Variants in ZBTB7C observed in about 807,000 individuals in gnomAD.
ZBTB7C encodes the protein zinc finger and BTB domain containing 7C, also known as zinc finger and BTB domain-containing protein 7C.
In ZBTB7C, 8 loss-of-function variants were observed where a neutral mutation model predicts 25.7. The observed-to-expected ratio is 0.31, with a 90% CI of 0.18 to 0.56. The LOEUF (loss-of-function observed/expected upper bound fraction) is 0.56, where lower values mean the gene tolerates loss of function less well. Ranked by LOEUF, ZBTB7C falls within the 20% of genes least tolerant of loss-of-function variation. The pLI, the probability that ZBTB7C is intolerant of heterozygous loss-of-function variation, is 0.91. For synonymous variants in ZBTB7C, 394 were observed against 369.0 expected, an observed-to-expected ratio of 1.07 and a Z score of -0.78; for missense variants, 824 against 855.2, an observed-to-expected ratio of 0.96 and a Z score of 0.46.
Position 48,144,775 on chromosome 18 carries a change from G to C in ZBTB7C, c.-17+41159C>G, listed in dbSNP as rs540795105. ...TGTCTTCACTCCCGATTGAGGGATT[G>C]GGGAGTCCATGGGAGAGTTCTACTC... On this transcript the variant is annotated intron_variant, in intron 3 of 4. Transcript: ENST00000590800. Among the ~76,000 whole-genome samples the C allele has an allele frequency of 3.9e-5, 6 of 152,248 alleles. No individual in the cohort carries two copies. The South Asian group carries it at 1.2e-3, about 32-fold the overall frequency.
chr18:48,382,091 G>T (rs571691504), intron 1 of ZBTB7C, among the ~76,000 whole-genome samples: 6 of 152,356 alleles, frequency 3.9e-5, no homozygotes, highest in African/African-American at 1.4e-4. Context: ...TGTAGTGCAA[G>T]TGGTAGGTAG....
intron 3 of ZBTB7C, among the ~76,000 whole-genome samples, chr18:48,069,255 C>T (rs1040879214): frequency 6.6e-6 from 1 of 152,214 alleles, no homozygotes; most frequent in East Asian, 1.9e-4. Context: ...TCTCAATTCT[C>T]ACCACAATCG....
intron 3 of ZBTB7C, among the ~76,000 whole-genome samples, chr18:48,179,846 CTCCTTCCT>C (rs564139548): frequency 7.2e-6 from 1 of 139,622 alleles, no homozygotes; most frequent in Non-Finnish European, 1.5e-5. Context: ...GAAGATATTT[CTCCTTCCT>C]TCCTTCCTTC....
At chr18:48,144,289 ATTTT>A (rs78973683) in intron 3 of ZBTB7C, among the ~76,000 whole-genome samples, 33 of 151,238 alleles carry the variant, frequency 2.2e-4, no homozygotes, top group Admixed American at 2.1e-3. Context: ...AAAAAAAAAA[ATTTT>A]TTTTTTCTTA....
chr18:48,311,765 T>C (rs371615186), intron 2 of ZBTB7C, among the ~76,000 whole-genome samples: 3 of 152,186 alleles, frequency 2.0e-5, no homozygotes, highest in Non-Finnish European at 4.4e-5. Context: ...AGTAAAGATA[T>C]CAAAGTTATT....
At chr18:48,286,231 TGC>T (rs1195972732) in intron 2 of ZBTB7C, among the ~76,000 whole-genome samples, 2 of 124,122 alleles carry the variant, frequency 1.6e-5, no homozygotes, top group South Asian at 2.9e-4. Context: ...AGAAGAGGTG[TGC>T]GTGTGTGTGT....
chr18:48,280,890 G>A (rs531420353), intron 2 of ZBTB7C, among the ~76,000 whole-genome samples: 9 of 101,250 alleles, frequency 8.9e-5, no homozygotes, highest in African/African-American at 3.6e-4. Flanking sequence ...GTCTTGTTCT[G>A]TCATCCAGGC....
At chr18:48,300,811 G>T (rs1243888929) in intron 2 of ZBTB7C, among the ~76,000 whole-genome samples, 2 of 152,266 alleles carry the variant, frequency 1.3e-5, no homozygotes, top group Non-Finnish European at 2.9e-5. Flanking sequence ...ACAGCAAGGG[G>T]ACAACGAGAA....
intron 2 of ZBTB7C, among the ~76,000 whole-genome samples, chr18:48,243,641 C>T (rs1225566558): frequency 6.6e-6 from 1 of 152,140 alleles, no homozygotes; most frequent in Admixed American, 6.5e-5. Context: ...CATCAAAATA[C>T]TATCATCATT....
At chr18:48,412,250 A>T (rs544009405), upstream of ZBTB7C, among the ~76,000 whole-genome samples, 2 of 152,366 alleles carry the variant, frequency 1.3e-5, no homozygotes, top group African/African-American at 4.8e-5. Context: ...TAAATAAATT[A>T]TCTGAGAATT....
At chr18:48,320,994 C>G (rs912987141) in intron 2 of ZBTB7C, among the ~76,000 whole-genome samples, 56 of 152,226 alleles carry the variant, frequency 3.7e-4, no homozygotes, top group African/African-American at 1.3e-3. Flanking sequence ...ACTGTCAGAG[C>G]CCAGGAAGGT....
At chr18:48,385,074 C>T (rs1161502969) in intron 1 of ZBTB7C, among the ~76,000 whole-genome samples, 2 of 152,186 alleles carry the variant, frequency 1.3e-5, no homozygotes, top group African/African-American at 4.8e-5. Context: ...AGCAGAAGGT[C>T]ATGTGAGATG....
At chr18:48,189,198 C>T (rs904040520) in intron 2 of ZBTB7C, among the ~76,000 whole-genome samples, 5 of 152,192 alleles carry the variant, frequency 3.3e-5, no homozygotes, top group African/African-American at 1.2e-4. Context: ...GCTAAATATT[C>T]CAGGTGAACG....
intron 2 of ZBTB7C, chr18:48,252,164 T>C (rs2043879094): frequency 6.6e-6 from 1 of 152,210 alleles, no homozygotes; most frequent in South Asian, 2.1e-4. Context: ...CACTTACTAT[T>C]AGCCAGAAGA....
chr18:48,301,828 C>T (rs913367267), intron 2 of ZBTB7C, among the ~76,000 whole-genome samples: 12 of 152,142 alleles, frequency 7.9e-5, no homozygotes, highest in African/African-American at 2.9e-4. Context: ...AAGCAGCAAG[C>T]AGAGGTTCTC....
At chr18:48,093,640 A>T (rs550963044) in intron 3 of ZBTB7C, among the ~76,000 whole-genome samples, 1 of 152,300 alleles carries the variant, frequency 6.6e-6, no homozygotes, top group South Asian at 2.1e-4. Context: ...ACACACAGAG[A>T]TTCATCTTGA....
intron 2 of ZBTB7C, among the ~76,000 whole-genome samples, chr18:48,202,749 T>C (rs1331243007): frequency 6.6e-6 from 1 of 150,982 alleles, no homozygotes; most frequent in African/African-American, 2.4e-5. Context: ...TGGCACAGCC[T>C]GAACAGAGGT....
At chr18:48,041,152 G>T in intron 3 of ZBTB7C, 29 bp from the exon 4 acceptor site, 3 of 1,548,908 alleles carry the variant, frequency 1.9e-6, no homozygotes, top group Non-Finnish European at 2.6e-6. Flanking sequence ...AAGAAGACTG[G>T]GTTAGTGAGC....
chr18:48,073,390 C>T (rs188997400), intron 3 of ZBTB7C, among the ~76,000 whole-genome samples: 14 of 152,170 alleles, frequency 9.2e-5, no homozygotes, highest in Admixed American at 7.2e-4. Flanking sequence ...TGCCACCAGG[C>T]GCCCAGCCTG....
Sources: allele counts gnomAD v4.1 joint callset (sites outside exome capture counted in the v4.1 genomes callset), GRCh38; gene constraint gnomAD v4.1.1; transcripts MANE v1.5; gene names NCBI Gene and HGNC (gene_info 2026-07-23, HGNC 2026-07-21).